The following HSP90AA1 variants were observed in gnomAD, a reference collection of about 807,000 sequenced individuals.
HSP90AA1 encodes heat shock protein 90 alpha family class A member 1.
In HSP90AA1, 18 loss-of-function variants were observed where a neutral mutation model predicts 73.3. That is an observed-to-expected ratio of 0.25 (90% CI 0.17 to 0.36). The LOEUF (loss-of-function observed/expected upper bound fraction) is 0.36. Among genes scored for constraint, HSP90AA1 ranks in the 10% least tolerant of loss-of-function variants. The pLI is 1.00. For missense variants in HSP90AA1, 704 were observed against 874.2 expected (o/e 0.81, Z 2.45); for synonymous variants, 477 against 296.9 (o/e 1.61, Z -6.24).
At chr14:102,116,905 G>A (rs1317608959) in intron 1 of HSP90AA1, among the ~76,000 whole-genome samples, 1 of 152,158 alleles carries the variant, frequency 6.6e-6, no homozygotes, top group African/African-American at 2.4e-5. Context: ...CACCCTCCCA[G>A]GTGTAGGATC....
chr14:102,083,307 G>A lies in HSP90AA1; in HGVS notation c.1487-5C>T, dbSNP rs778058678. 6 of 1,613,874 alleles carry A rather than the reference G, an allele frequency of 3.7e-6. No homozygotes were observed. In the African/African-American group the frequency reaches 4.0e-5, roughly 11 times the overall value. On this transcript the variant is annotated splice_polypyrimidine_tract_variant and splice_region_variant and intron_variant, in intron 8 of 10. Transcript: ENST00000216281. ...CTACCTGGTCCTTGGTCTCACCTGA[G>A]GTATTACAAAGTTACTTTTAGACCT...
intron 3 of HSP90AA1, 145 bp downstream of exon 3, chr14:102,085,613 A>G (rs34147314): frequency 7.5e-7 from 1 of 1,325,330 alleles, no homozygotes; most frequent in South Asian, 1.2e-5. Context: ...AAGTCATGCC[A>G]TTACACTAAT....
chr14:102,086,844 G>A (rs903331594), intron 1 of HSP90AA1, 142 bp downstream of exon 1: 3 of 338,998 alleles, frequency 8.8e-6, no homozygotes, highest in Non-Finnish European at 1.3e-5. Context: ...GAGGCCTCCG[G>A]AATAGAAAGC....
chr14:102,093,138 T>C (rs1319346603), intron 2 of HSP90AA1, among the ~76,000 whole-genome samples: 1 of 151,480 alleles, frequency 6.6e-6, no homozygotes, highest in African/African-American at 2.4e-5. Flanking sequence ...GAAAATTAAG[T>C]GGTTCATACT....
chr14:102,084,857 T>C lies in HSP90AA1; in HGVS notation c.805A>G (p.Lys269Glu). ...TTCTTCTTCTTGTCACCATCCTTCT[T>C]TTCTTCTTCCTCATCAGAACCAACA... is the stretch of plus-strand genomic sequence containing the variant. ...EDVGSDEEEE[K>E]KDGDKKKKKK... Residue 269 changes from lysine (K) to glutamate (E), a missense_variant, in exon 5 of 11, where the codon AAG becomes GAG. Transcript: ENST00000216281. 2 of 1,585,002 alleles carry C rather than the reference T, an allele frequency of 1.3e-6. No individual in the cohort carries two copies. Among genetic ancestry groups the C allele is most frequent in the Non-Finnish European group, 1.7e-6 (2 of 1,153,724 alleles).
At chr14:102,084,354 C>A (rs370405227) in intron 6 of HSP90AA1, 45 bp downstream of exon 6, 2 of 1,574,330 alleles carry the variant, frequency 1.3e-6, no homozygotes, top group African/African-American at 2.7e-5. Context: ...CCAGAAAGTA[C>A]TTCTTTAATC....
chr14:102,081,859 C>T (rs1347518350), intron 10 of HSP90AA1, 38 bp from the exon 11 acceptor site: 1 of 1,001,378 alleles, frequency 1.0e-6, no homozygotes, highest in South Asian at 1.3e-5. Flanking sequence ...ACAAAGATTT[C>T]TTAAAGCCAG....
intron 2 of HSP90AA1, among the ~76,000 whole-genome samples, chr14:102,097,841 G>A (rs532205576): frequency 1.3e-5 from 2 of 152,162 alleles, no homozygotes; most frequent in Non-Finnish European, 1.5e-5. Flanking sequence ...GTGAGTTTCA[G>A]TGCAGACTTC....
intron 1 of HSP90AA1, among the ~76,000 whole-genome samples, chr14:102,107,331 T>G (rs559767279): frequency 1.3e-5 from 2 of 151,898 alleles, no homozygotes; most frequent in Admixed American, 6.6e-5. Context: ...TTTTTTGGTT[T>G]GTTTGTTTTT....
At chr14:102,113,872 C>G (rs954542828) in intron 1 of HSP90AA1, among the ~76,000 whole-genome samples, 1 of 151,984 alleles carries the variant, frequency 6.6e-6, no homozygotes, top group East Asian at 1.9e-4. Flanking sequence ...CACCATGCCC[C>G]GCTAATTTTT....
At chr14:102,120,693 A>T (rs566411992) in intron 1 of HSP90AA1, among the ~76,000 whole-genome samples, 1 of 152,122 alleles carries the variant, frequency 6.6e-6, no homozygotes, top group South Asian at 2.1e-4. Context: ...CTGTAATCCC[A>T]GCACTTTGGG....
intron 1 of HSP90AA1, among the ~76,000 whole-genome samples, chr14:102,117,050 C>A (rs1245964271): frequency 6.6e-6 from 1 of 152,204 alleles, no homozygotes. Context: ...GCTGTCCCAG[C>A]CTGGCTGGGT....
chr14:102,084,687 T>C lies in HSP90AA1; in HGVS notation c.975A>G (p.Ala325=), dbSNP rs115927657. 7 of 1,613,792 alleles carry C rather than the reference T, an allele frequency of 4.3e-6. No homozygotes were observed. The highest frequency in any genetic ancestry group is 2.7e-5 in the African/African-American group (2 of 75,016). ...GCACCCATCAGTCACTCACCTTCAC[T>C]GCCAAGTGATCTTCCCAGTCATTGG... ...SLTNDWEDHL[A]VKHFSVEGQL... is the part of the protein sequence containing the mutation. Residue 325 remains alanine, a synonymous_variant, in exon 5 of 11, where the codon GCA becomes GCG. Transcript: ENST00000216281.
intron 1 of HSP90AA1, among the ~76,000 whole-genome samples, chr14:102,136,420 T>A (rs1436296749): frequency 2.7e-5 from 4 of 150,336 alleles, no homozygotes; most frequent in African/African-American, 9.8e-5. Flanking sequence ...TACAAAAAAA[T>A]TGGCCAGGCC....
In HSP90AA1 at chr14:102,105,659, G is replaced by A. The variant is rs149050792; in HGVS notation, c.156-3574C>T. On this transcript the variant is annotated intron_variant, in intron 1 of 11. Transcript: ENST00000334701. ...AAGGTGTGGGCTTGCCTGCCAGTGG[G>A]GAGTGTGTTCTCTGTCCACAGGGAA... is the stretch of plus-strand genomic sequence containing the variant. Among the ~76,000 whole-genome samples the A allele has an allele frequency of 4.9e-3, 745 of 152,310 alleles. 9 individuals carry two copies. Among genetic ancestry groups the A allele is most frequent in the African/African-American group, 0.017 (687 of 41,568 alleles).
rs377709602 is a variant in HSP90AA1, at chr14:102,106,772, G to A, written c.156-4687C>T. Among the ~76,000 whole-genome samples the A allele has an allele frequency of 2.9e-3, 436 of 151,680 alleles. 3 individuals carry two copies. Among genetic ancestry groups the A allele is most frequent in the African/African-American group, 9.8e-3 (403 of 41,060 alleles). ...TTGGCAAGGCTGGTCTTGAACTCCT[G>A]ACCTCAGGTGATCTACCCACCTCGG... On this transcript the variant is annotated intron_variant, in intron 1 of 11. Coordinates refer to the HSP90AA1 transcript ENST00000334701.
intron 2 of HSP90AA1, among the ~76,000 whole-genome samples, chr14:102,093,028 A>C (rs1256982960): frequency 6.6e-6 from 1 of 151,968 alleles, no homozygotes; most frequent in Admixed American, 6.6e-5. Context: ...TACGGGCGTG[A>C]ACCACCGCGC....
In HSP90AA1 at chr14:102,082,137, A is replaced by T; in HGVS notation, c.2063T>A (p.Ile688Asn). The T allele has an allele frequency of 6.2e-7, 1 of 1,613,390 alleles. No homozygotes were observed. The highest frequency in any genetic ancestry group is 8.5e-7 in the Non-Finnish European group (1 of 1,179,340). ...CAGACCAAGTTTGATCATCCTGTAG[A>T]TCCTGTTAGCATGTGTCTGGGGATC... ...LEDPQTHANR[I>N]YRMIKLGLGI... is the part of the protein sequence containing the mutation. Residue 688 changes from isoleucine (I) to asparagine (N), a missense_variant, in exon 10 of 11, where the codon ATC becomes AAC. Physicochemically the swap from Ile to Asn is moderately radical, Grantham distance 149. Coordinates refer to ENST00000216281, the MANE Select transcript of HSP90AA1 (RefSeq NM_005348.4).
intron 2 of HSP90AA1, among the ~76,000 whole-genome samples, chr14:102,097,433 C>A (rs758495372): frequency 2.6e-5 from 4 of 151,902 alleles, no homozygotes; most frequent in Non-Finnish European, 5.9e-5. Flanking sequence ...CTCCCAGGAT[C>A]TCCCTTACGA....
Sources: allele counts gnomAD v4.1 joint callset (sites outside exome capture counted in the v4.1 genomes callset), GRCh38; gene constraint gnomAD v4.1.1; transcripts MANE v1.5; gene names NCBI Gene and HGNC (gene_info 2026-07-23, HGNC 2026-07-21).